Variants in POU2F2 observed in about 807,000 individuals in gnomAD.
POU2F2 encodes POU domain, class 2, transcription factor 2.
A neutral mutation model predicts 63.5 loss-of-function variants in POU2F2; 14 were observed. That is an observed-to-expected ratio of 0.22 (90% CI 0.15 to 0.34). POU2F2 has a LOEUF of 0.34. Ranked by LOEUF, POU2F2 falls within the 10% of genes least tolerant of loss-of-function variation. The probability of loss-of-function intolerance (pLI) is 1.00; values close to 1 mark genes in which losing one functional copy is unlikely to be tolerated. For missense variants in POU2F2, 607 were observed against 815.2 expected, an observed-to-expected ratio of 0.74 and a Z score of 3.11; for synonymous variants, 306 against 348.6, an observed-to-expected ratio of 0.88 and a Z score of 1.36.
At chr19:42,175,675 G>C (rs1282931149) in intron 1 of POU2F2, among the ~76,000 whole-genome samples, 1 of 152,080 alleles carries the variant, frequency 6.6e-6, no homozygotes. Flanking sequence ...GACATGAAAA[G>C]GGAAAGAAAA....
At chr19:42,192,922 G>C (rs1276876261) in intron 1 of POU2F2, among the ~76,000 whole-genome samples, 16 of 152,156 alleles carry the variant, frequency 1.1e-4, no homozygotes, top group Admixed American at 9.8e-4. Flanking sequence ...GTAGTGTGCA[G>C]AAAAATTTCC....
At position 42,096,637 on chromosome 19, in the gene POU2F2, G is replaced by A. The variant is rs930208530; in HGVS notation, c.568-394C>T. 1.3e-5 allele frequency among the ~76,000 whole-genome samples: 2 copies of A among 152,162 alleles called. No individual in the cohort carries two copies. The highest frequency in any genetic ancestry group is 2.4e-5 in the African/African-American group (1 of 41,440). On this transcript the variant is annotated intron_variant, in intron 7 of 14. Transcript: ENST00000692977. The surrounding 1 kb of genome is among the most constrained non-coding windows in gnomAD (Gnocchi z 4.1). ...GCCACCAAATCACTGCTTAGCCCAGGCCTCACTTTCCCCCTCTGCAGGATG... is the reference window on the plus strand; with the variant it reads ...GCCACCAAATCACTGCTTAGCCCAGACCTCACTTTCCCCCTCTGCAGGATG...
chr19:42,104,309 C>G (rs1484853427), intron 5 of POU2F2, among the ~76,000 whole-genome samples: 1 of 152,100 alleles, frequency 6.6e-6, no homozygotes, highest in African/African-American at 2.4e-5. Flanking sequence ...CAACTGCACA[C>G]AGCCTTCAAC....
chr19:42,115,084 G>A (rs927760814), intron 5 of POU2F2, among the ~76,000 whole-genome samples: 4 of 152,034 alleles, frequency 2.6e-5, no homozygotes, highest in East Asian at 3.8e-4. Flanking sequence ...CAAAGAGGTC[G>A]AGGCTGCAGT....
chr19:42,132,420 C>A lies in POU2F2; in HGVS notation c.-9G>T. ...ATGCTGGAGTGAACCATGCTGCCCG[C>A]CCCGCCAGGGCTGGGGGAACAACTG... On this transcript the variant is annotated 5_prime_UTR_variant, in exon 1 of 15. Coordinates refer to ENST00000692977, the MANE Select transcript of POU2F2 (RefSeq NM_001394376.1). 1 of 1,501,762 alleles carries A rather than the reference C, an allele frequency of 6.7e-7. No homozygotes were observed. The highest frequency in any genetic ancestry group is 1.3e-5 in the South Asian group (1 of 77,200). The allele number at this position is 1,501,762 out of a possible 1,614,324, so 93.0% of individuals were successfully genotyped here.
chr19:42,107,969 T>C (rs2030396871), intron 5 of POU2F2, among the ~76,000 whole-genome samples: 1 of 146,518 alleles, frequency 6.8e-6, no homozygotes, highest in Admixed American at 6.9e-5. Context: ...AGTCCCCACC[T>C]CATACCTTTG....
chr19:42,099,950 T>C, intron 5 of POU2F2, 129 bp from the exon 6 acceptor site: 1 of 719,930 alleles, frequency 1.4e-6, no homozygotes, highest in East Asian at 2.7e-5. Context: ...CACTGGGCAG[T>C]GAGGGATCGT....
In POU2F2 at chr19:42,117,006, C is replaced by T. The variant is rs2031995618; in HGVS notation, c.369+244G>A. ...GCTGAGCTGGCATCAGTGCCGTGAG[C>T]TGCGGGGTGTCGGGGACAGCAGGAA... On this transcript the variant is annotated intron_variant, in intron 5 of 14. Coordinates refer to ENST00000692977, the MANE Select transcript of POU2F2 (RefSeq NM_001394376.1). The surrounding 1 kb of genome is among the most constrained non-coding windows in gnomAD (Gnocchi z 4.4). 1 of 624,932 alleles carries T rather than the reference C, an allele frequency of 1.6e-6. No homozygotes were observed. Among genetic ancestry groups the T allele is most frequent in the Non-Finnish European group, 2.9e-6 (1 of 344,822 alleles). 38.7% of individuals were successfully genotyped at this position (624,932 alleles called of 1,614,324 possible).
At chr19:42,132,610 T>G (rs900876401), upstream of POU2F2, 2 of 432,524 alleles carry the variant, frequency 4.6e-6, no homozygotes, top group African/African-American at 4.1e-5. Context: ...TGCTGGGGGG[T>G]GGGGGCTAGT....
chr19:42,144,211 G>T (rs543364737), intron 2 of POU2F2, among the ~76,000 whole-genome samples: 2 of 152,282 alleles, frequency 1.3e-5, no homozygotes, highest in South Asian at 4.2e-4. Context: ...TCACCATTCA[G>T]ATTAGAACCA....
intron 12 of POU2F2, among the ~76,000 whole-genome samples, chr19:42,093,020 T>A (rs1391522330): frequency 7.2e-6 from 1 of 139,024 alleles, no homozygotes; most frequent in African/African-American, 2.6e-5. Context: ...TTTTTTTTTT[T>A]TTTTTTTTTG....
chr19:42,154,762 T>TCACACA (rs144313465), intron 2 of POU2F2, among the ~76,000 whole-genome samples: 6 of 149,936 alleles, frequency 4.0e-5, no homozygotes, highest in African/African-American at 1.2e-4. Context: ...GTGATGTCTC[T>TCACACA]CACACACACA....
chr19:42,126,728 C>G (rs1331415599), intron 1 of POU2F2, among the ~76,000 whole-genome samples: 2 of 152,184 alleles, frequency 1.3e-5, no homozygotes, highest in Non-Finnish European at 2.9e-5. Context: ...CCTGAGCCCC[C>G]AGTTGTGGCT....
At chr19:42,135,768 C>T (rs1039963507), upstream of POU2F2, among the ~76,000 whole-genome samples, 1 of 150,720 alleles carries the variant, frequency 6.6e-6, no homozygotes, top group African/African-American at 2.4e-5. Context: ...AGTGCAATGG[C>T]ACAATCCCGG....
rs557011977 is a variant in POU2F2 at position 42,113,734 on chromosome 19, C to G, written c.369+3516G>C. Reference sequence around the variant, plus strand: ...TTCAGCTTCCTGCCATGGCCTGACACACAGGAGGCCAGGAAATGTTTGTGG... The same window carrying G: ...TTCAGCTTCCTGCCATGGCCTGACAGACAGGAGGCCAGGAAATGTTTGTGG... On this transcript the variant is annotated intron_variant, in intron 5 of 14. Transcript: ENST00000692977. Among the ~76,000 whole-genome samples the G allele has an allele frequency of 5.9e-5, 9 of 152,332 alleles. No homozygotes were observed. In the East Asian group the frequency reaches 1.7e-3, roughly 29 times the overall value.
chr19:42,195,336 T>C (rs888363770), intron 1 of POU2F2, among the ~76,000 whole-genome samples: 47 of 142,988 alleles, frequency 3.3e-4, no homozygotes, highest in African/African-American at 8.8e-4. Context: ...TTTTCTTTTT[T>C]TTTTTTTTTT....
intron 2 of POU2F2, among the ~76,000 whole-genome samples, chr19:42,143,879 T>G (rs1194161592): frequency 6.6e-6 from 1 of 152,002 alleles, no homozygotes; most frequent in South Asian, 2.1e-4. Context: ...CTGTCTCACA[T>G]GGCACTTCTC....
intron 1 of POU2F2, among the ~76,000 whole-genome samples, chr19:42,131,021 G>T (rs1365572774): frequency 8.6e-6 from 1 of 116,150 alleles, no homozygotes; most frequent in Non-Finnish European, 1.7e-5. Context: ...TCTGCTTGGG[G>T]CCTCCCTCAT....
chr19:42,180,634 G>A (rs1458170821), upstream of POU2F2, among the ~76,000 whole-genome samples: 1 of 152,114 alleles, frequency 6.6e-6, no homozygotes, highest in African/African-American at 2.4e-5. Context: ...GGTGGGGTGG[G>A]GGGCGGTCAT....
Sources: gnomAD v4.1 joint callset for allele counts (sites outside exome capture counted in the v4.1 genomes callset) on GRCh38, gnomAD v4.1.1 for gene constraint, Gnocchi (gnomAD v3.1) non-coding constraint, MANE v1.5 for transcripts, NCBI Gene and HGNC (gene_info 2026-07-23, HGNC 2026-07-21) for gene names.